Variants in CDYL observed in about 807,000 individuals in gnomAD.
CDYL encodes the protein chromodomain Y like.
CDYL carries 8 observed loss-of-function variants against 47.3 expected under a neutral mutation model. That is an observed-to-expected ratio of 0.17 (90% CI 0.10 to 0.31). The LOEUF (loss-of-function observed/expected upper bound fraction) is 0.31. CDYL is among the 10% of genes least tolerant of loss of function. The pLI is 1.00. For synonymous variants in CDYL, 266 were observed against 265.0 expected, an observed-to-expected ratio of 1.00 and a Z score of -0.04; for missense variants, 471 against 701.4, an observed-to-expected ratio of 0.67 and a Z score of 3.71.
rs765033026 is a variant in CDYL at position 4,937,545 on chromosome 6, T to C, written c.949-20T>C. ...AAACCCAAAATATTCTTTGCCACTT[T>C]AACTTCTGGTGACTTTCAGGTAATG... On this transcript the variant is annotated intron_variant, in intron 3 of 6. Coordinates refer to ENST00000397588, the MANE Select transcript of CDYL (RefSeq NM_004824.4). 6.6e-7 allele frequency: 1 copy of C among 1,514,988 alleles called. No homozygotes were observed. The highest frequency in any genetic ancestry group is 8.8e-7 in the Non-Finnish European group (1 of 1,132,320). The allele number at this position is 1,514,988 out of a possible 1,614,324, so 93.8% of individuals were successfully genotyped here.
chr6:4,797,361 A>T (rs917057316), intron 1 of CDYL, among the ~76,000 whole-genome samples: 1 of 151,306 alleles, frequency 6.6e-6, no homozygotes, highest in African/African-American at 2.4e-5. Flanking sequence ...TGTTTTCTTT[A>T]TTCCTTCTCT....
chr6:4,854,798 A>ATG (rs1017545987), intron 1 of CDYL, among the ~76,000 whole-genome samples: 9 of 152,322 alleles, frequency 5.9e-5, no homozygotes, highest in Admixed American at 5.2e-4. Context: ...AGGGGTGTAC[A>ATG]TGAAGCACCA....
At chr6:4,900,779 GTATATATATATATATATATATATATATA>G (rs59594195) in intron 2 of CDYL, among the ~76,000 whole-genome samples, 4,949 of 51,794 alleles carry the variant, frequency 0.096, 1,135 homozygotes, top group East Asian at 0.31. Flanking sequence ...GTATACGTGT[GTATATATATATATATATATATATATATA>G]TATATATATA....
At chr6:4,923,394 G>T (rs1561710771) in intron 2 of CDYL, among the ~76,000 whole-genome samples, 1 of 152,110 alleles carries the variant, frequency 6.6e-6, no homozygotes, top group African/African-American at 2.4e-5. Context: ...CAAATAACAG[G>T]ATTTCACTCT....
chr6:4,892,767 A>G (rs774813318), intron 2 of CDYL, among the ~76,000 whole-genome samples: 4 of 152,188 alleles, frequency 2.6e-5, no homozygotes, highest in African/African-American at 9.7e-5. Flanking sequence ...TTGATACAGA[A>G]GTGCAGGTTC....
chr6:4,775,110 A>G (rs778042747), upstream of CDYL, among the ~76,000 whole-genome samples: 1 of 152,182 alleles, frequency 6.6e-6, no homozygotes, highest in Non-Finnish European at 1.5e-5. This position sits in a 1 kb window ranked among gnomAD's most constrained non-coding sequence, Gnocchi z 7.0. Context: ...TGTGGCTCCA[A>G]GGTAGGTTAG....
At chr6:4,891,138 A>G (rs1762029910) in intron 1 of CDYL, among the ~76,000 whole-genome samples, 1 of 152,250 alleles carries the variant, frequency 6.6e-6, no homozygotes, top group African/African-American at 2.4e-5. Flanking sequence ...CAAGATTTGA[A>G]AATAACCTGA....
At chr6:4,877,907 A>G (rs1411187123) in intron 1 of CDYL, among the ~76,000 whole-genome samples, 1 of 152,160 alleles carries the variant, frequency 6.6e-6, no homozygotes, top group Non-Finnish European at 1.5e-5. Context: ...GTATCTATAG[A>G]TGCATTTGGG....
intron 3 of CDYL, among the ~76,000 whole-genome samples, chr6:4,753,840 C>T (rs116677744): frequency 0.01 from 1,544 of 152,250 alleles, 31 homozygotes; most frequent in African/African-American, 0.035. Context: ...CAGCCTCTTC[C>T]CTCTTTGCTC....
intron 2 of CDYL, among the ~76,000 whole-genome samples, chr6:4,899,587 T>C (rs920762921): frequency 1.3e-5 from 2 of 152,190 alleles, no homozygotes; most frequent in Non-Finnish European, 2.9e-5. Context: ...CCCAGTTTCA[T>C]CTCTCTGGTA....
At position 4,937,483 on chromosome 6, in the gene CDYL, G is replaced by A. The variant is rs564431257; in HGVS notation, c.949-82G>A. ...TGCACGCCAACCTGAGCAACAGAGT[G>A]AGACTCTCTCCAAAAAAAAAAATGC... On this transcript the variant is annotated intron_variant, in intron 3 of 6. Coordinates refer to ENST00000397588, the MANE Select transcript of CDYL (RefSeq NM_004824.4). The A allele has an allele frequency of 2.0e-4, 220 of 1,124,956 alleles. 1 individual carries two copies. Among genetic ancestry groups the A allele is most frequent in the Non-Finnish European group, 2.6e-4 (213 of 830,108 alleles). 69.7% of individuals were successfully genotyped at this position (1,124,956 alleles called of 1,614,324 possible).
chr6:4,739,121 A>G (rs1757752883), intron 3 of CDYL, among the ~76,000 whole-genome samples: 1 of 151,876 alleles, frequency 6.6e-6, no homozygotes, highest in African/African-American at 2.4e-5. Context: ...AGATCACGCC[A>G]TTGCACTCCA....
chr6:4,938,659 G>T (rs928002005), intron 4 of CDYL, among the ~76,000 whole-genome samples: 1 of 152,162 alleles, frequency 6.6e-6, no homozygotes, highest in African/African-American at 2.4e-5. Flanking sequence ...TCACCATGAT[G>T]TACAATAGAT....
intron 2 of CDYL, among the ~76,000 whole-genome samples, chr6:4,935,091 C>G (rs1758147641): frequency 6.6e-6 from 1 of 152,182 alleles, no homozygotes; most frequent in African/African-American, 2.4e-5. Flanking sequence ...GTTTATCTTG[C>G]ATTTGGAAAA....
At chr6:4,709,358 C>T (rs1198722292) in intron 1 of CDYL, among the ~76,000 whole-genome samples, 9 of 152,096 alleles carry the variant, frequency 5.9e-5, no homozygotes, top group Non-Finnish European at 8.8e-5. Flanking sequence ...ACCCCATGCC[C>T]GGCTAATTTT....
At chr6:4,738,605 C>A (rs2127416242) in intron 3 of CDYL, among the ~76,000 whole-genome samples, 1 of 152,320 alleles carries the variant, frequency 6.6e-6, no homozygotes, top group East Asian at 1.9e-4. Context: ...TATTCAATCA[C>A]TTTGGAGAAA....
At chr6:4,799,823 T>C (rs1330833959) in intron 1 of CDYL, among the ~76,000 whole-genome samples, 1 of 152,056 alleles carries the variant, frequency 6.6e-6, no homozygotes, top group Non-Finnish European at 1.5e-5. Flanking sequence ...CAAATACGAT[T>C]GTGCATTGGT....
At chr6:4,893,653 A>G (rs888449771) in intron 2 of CDYL, among the ~76,000 whole-genome samples, 1 of 148,616 alleles carries the variant, frequency 6.7e-6, no homozygotes, top group Non-Finnish European at 1.5e-5. Context: ...AGATGGTGCC[A>G]TTGCACTCCA....
intron 2 of CDYL, among the ~76,000 whole-genome samples, chr6:4,728,128 C>T (rs1353936039): frequency 1.3e-5 from 2 of 152,218 alleles, no homozygotes; most frequent in Non-Finnish European, 2.9e-5. Flanking sequence ...TAAACAGTTT[C>T]TCTTCAGAGT....
Sources: allele counts gnomAD v4.1 joint callset (sites outside exome capture counted in the v4.1 genomes callset), GRCh38; gene constraint gnomAD v4.1.1; non-coding constraint Gnocchi (gnomAD v3.1); transcripts MANE v1.5; gene names NCBI Gene and HGNC (gene_info 2026-07-23, HGNC 2026-07-21).